The following MAP1A variants were observed in gnomAD, a reference collection of about 807,000 sequenced individuals.
The protein encoded by MAP1A is microtubule associated protein 1A.
Under a neutral mutation model 185.9 loss-of-function variants are expected in MAP1A, and 42 were observed. The ratio of observed to expected loss-of-function variants is 0.23; its 90% CI spans 0.18 to 0.29. The LOEUF (loss-of-function observed/expected upper bound fraction) is 0.29, where lower values mean the gene tolerates loss of function less well. Among genes scored for constraint, MAP1A ranks in the 10% least tolerant of loss-of-function variants. The pLI, the probability that MAP1A is intolerant of heterozygous loss-of-function variation, is 1.00. For synonymous variants in MAP1A, 1,229 were observed against 1,335.9 expected, an observed-to-expected ratio of 0.92 and a Z score of 1.74; for missense variants, 2,995 against 3,450.4, an observed-to-expected ratio of 0.87 and a Z score of 3.31.
Position 43,520,441 on chromosome 15 carries a change from G to A in MAP1A, c.-374-200G>A, listed in dbSNP as rs183542897. Among the ~76,000 whole-genome samples the A allele has an allele frequency of 4.8e-3, 736 of 152,300 alleles. 9 individuals are homozygous for A. The highest frequency in any genetic ancestry group is 0.016 in the African/African-American group (682 of 41,566). On this transcript the variant is annotated intron_variant, in intron 1 of 5. Transcript: ENST00000300231. ...GGGAAGGAGAGGACAGCCAGTGTGG[G>A]AGAGGGGAGGTGGAAACCCTCTAAG...
Position 43,529,687 on chromosome 15 carries a change from A to G in MAP1A, c.8073A>G (p.Val2691=), listed in dbSNP as rs781224384. 2.5e-5 allele frequency: 41 copies of G among 1,614,040 alleles called. No homozygotes were observed. The South Asian group carries it at 3.5e-4, about 14-fold the overall frequency. ...LSSKGSSGAP[V]YVDLAYIPNH... is the part of the protein sequence containing the mutation. ...CCAAGGGCAGCTCTGGTGCCCCTGT[A>G]TATGTGGATCTCGCCTACATCCCGA... is the stretch of plus-strand genomic sequence containing the variant. Residue 2691 remains valine (V), a synonymous_variant, in exon 5 of 6, where the codon GTA becomes GTG. Transcript: ENST00000300231. This position sits in a 1 kb window ranked among gnomAD's most constrained non-coding sequence, Gnocchi z 4.3.
In MAP1A at chr15:43,527,494, C is replaced by G. The variant is rs572868276; in HGVS notation, c.6021C>G (p.Ala2007=). The G allele has an allele frequency of 1.9e-6, 3 of 1,614,094 alleles. No individual in the cohort carries two copies. In the South Asian group the frequency reaches 3.3e-5, roughly 18 times the overall value. The change falls in exon 4 of 6, where the codon GCC becomes GCG. Residue 2007 remains alanine (A), a synonymous_variant. Coordinates refer to ENST00000300231, the MANE Select transcript of MAP1A (RefSeq NM_002373.6). ...PPCLSTKEAA[A]GRNTSAEKEL... Reference sequence around the variant, plus strand: ...GCCTCTCAACCAAGGAGGCAGCTGCCGGCCGAAACACATCTGCAGAGAAGG... The same window carrying G: ...GCCTCTCAACCAAGGAGGCAGCTGCGGGCCGAAACACATCTGCAGAGAAGG...
chr15:43,521,878 C>G lies in MAP1A; in HGVS notation c.405C>G (p.Val135=), dbSNP rs1367153597. Reference sequence around the variant, plus strand: ...TTATCTCTCCTGAGCTTGGAGTTGTCTTTTTCAACGTGCCTGAGAAGCTGC... The same window carrying G: ...TTATCTCTCCTGAGCTTGGAGTTGTGTTTTTCAACGTGCCTGAGAAGCTGC... ...KNLISPELGV[V]FFNVPEKLRL... The change falls in exon 4 of 6, where the codon GTC becomes GTG. Residue 135 remains valine (V), a synonymous_variant. Coordinates refer to ENST00000300231, the MANE Select transcript of MAP1A (RefSeq NM_002373.6). The surrounding 1 kb of genome is among the most constrained non-coding windows in gnomAD (Gnocchi z 4.6). 6.2e-7 allele frequency: 1 copy of G among 1,614,158 alleles called. No homozygotes were observed. The highest frequency in any genetic ancestry group is 2.2e-5 in the East Asian group (1 of 44,890).
chr15:43,524,760 A>G lies in MAP1A; in HGVS notation c.3287A>G (p.Lys1096Arg), dbSNP rs757469314. 4 of 1,614,010 alleles carry G rather than the reference A, an allele frequency of 2.5e-6. No homozygotes were observed. In the African/African-American group the frequency reaches 4.0e-5, roughly 16 times the overall value. Residue 1096 changes from lysine to arginine, a missense_variant, in exon 4 of 6, where the codon AAA becomes AGA. Physicochemically the swap from Lys to Arg is conservative, Grantham distance 26 (BLOSUM62 2). Transcript: ENST00000300231. Reference sequence around the variant, plus strand: ...ATTCAACTGTTGCCAGCACAGGATAAAGCAATAGTCTTTGAGATTATGGAG... The same window carrying G: ...ATTCAACTGTTGCCAGCACAGGATAGAGCAATAGTCTTTGAGATTATGGAG... ...CTIQLLPAQD[K>R]AIVFEIMEAG...
In MAP1A at chr15:43,528,160, A is replaced by T. The variant is rs1178196704; in HGVS notation, c.6687A>T (p.Ser2229=). 42 of 1,613,860 alleles carry T rather than the reference A, an allele frequency of 2.6e-5. No individual in the cohort carries two copies. In the East Asian group the frequency reaches 9.1e-4, roughly 35 times the overall value. The part of the protein sequence containing the change: ...EVTKAPSLDS[S]LPQLPSPSSP... ...CCAAGGCCCCCAGCCTGGATTCCTC[A>T]CTGCCCCAGCTCCCATCACCCAGTT... The change falls in exon 4 of 6, where the codon TCA becomes TCT. Residue 2229 remains serine, a synonymous_variant. Coordinates refer to ENST00000300231, the MANE Select transcript of MAP1A (RefSeq NM_002373.6).
chr15:43,514,122 T>C (rs1417836217), upstream of MAP1A, among the ~76,000 whole-genome samples: 1 of 152,216 alleles, frequency 6.6e-6, no homozygotes. Context: ...AGCATTGATA[T>C]ATAAACACCT....
rs975269907 is a variant in MAP1A at position 43,525,203 on chromosome 15, G to A, written c.3730G>A (p.Glu1244Lys). Residue 1244 changes from glutamate to lysine, a missense_variant, in exon 4 of 6, where the codon GAG becomes AAG. By Grantham distance (56) the Glu-to-Lys change is moderately conservative. Around this residue, in one of 3 missense-constraint regions of MAP1A, gnomAD observed 2,728 missense variants for 2,986.0 expected, o/e 0.91. Transcript: ENST00000300231. ...AGAAATGGGGCATCTGATGCAGGCCGAGGATACCTCTCACCACACAGCTCC... is the reference window on the plus strand; with the variant it reads ...AGAAATGGGGCATCTGATGCAGGCCAAGGATACCTCTCACCACACAGCTCC... Reference protein sequence around the residue: ...KEEMGHLMQAEDTSHHTAPMS... With the variant: ...KEEMGHLMQAKDTSHHTAPMS... 7 of 1,614,106 alleles carry A rather than the reference G, an allele frequency of 4.3e-6. No individual in the cohort carries two copies. Among genetic ancestry groups the A allele is most frequent in the African/African-American group, 1.3e-5 (1 of 75,024 alleles).
At chr15:43,518,463 C>T (rs913244190) in intron 1 of MAP1A, among the ~76,000 whole-genome samples, 2 of 152,136 alleles carry the variant, frequency 1.3e-5, no homozygotes, top group Non-Finnish European at 2.9e-5. Flanking sequence ...GATGGGGGCT[C>T]TTGAACAGAG....
At chr15:43,518,766 G>T (rs1010006379) in intron 1 of MAP1A, among the ~76,000 whole-genome samples, 27 of 145,998 alleles carry the variant, frequency 1.8e-4, no homozygotes, top group African/African-American at 7.2e-4. Context: ...TCACAAGATG[G>T]TCCTCTCTAA....
In MAP1A at chr15:43,528,690, T is replaced by G. The variant is rs762713799; in HGVS notation, c.7217T>G (p.Leu2406Trp). 6.2e-7 allele frequency: 1 copy of G among 1,613,796 alleles called. No individual in the cohort carries two copies. Among genetic ancestry groups the G allele is most frequent in the Non-Finnish European group, 8.5e-7 (1 of 1,179,990 alleles). ...GAERSSRPDT[L>W]LSPEQPVCPA... ...GAGAGGAGCTCCCGGCCTGACACAT[T>G]GCTCTCCCCTGAGCAGCCAGTGTGT... Residue 2406 changes from leucine to tryptophan, a missense_variant, in exon 4 of 6, where the codon TTG becomes TGG. By Grantham distance (61) the Leu-to-Trp change is moderately conservative (BLOSUM62 -2). Coordinates refer to ENST00000300231, the MANE Select transcript of MAP1A (RefSeq NM_002373.6).
rs746083824 is a variant in MAP1A at position 43,526,553 on chromosome 15, G to C, written c.5080G>C (p.Asp1694His). Reference protein sequence around the residue: ...RGREDVALEQDTYWRELSCER... With the variant: ...RGREDVALEQHTYWRELSCER... The stretch of plus-strand genomic sequence containing the variant: ...CAGAGAGGATGTGGCCTTGGAACAG[G>C]ACACATACTGGAGGGAGCTAAGCTG... The change falls in exon 4 of 6, where the codon GAC becomes CAC. Residue 1694 changes from aspartate (D) to histidine (H), a missense_variant. Physicochemically the swap from Asp to His is moderately conservative, Grantham distance 81. Coordinates refer to ENST00000300231, the MANE Select transcript of MAP1A (RefSeq NM_002373.6). This position sits in a 1 kb window ranked among gnomAD's most constrained non-coding sequence, Gnocchi z 4.7. The C allele has an allele frequency of 6.2e-7, 1 of 1,614,180 alleles. No individual in the cohort carries two copies. Among genetic ancestry groups the C allele is most frequent in the Non-Finnish European group, 8.5e-7 (1 of 1,180,026 alleles).
At chr15:43,518,967 TGTG>T (rs1246348620) in intron 1 of MAP1A, among the ~76,000 whole-genome samples, 4 of 152,086 alleles carry the variant, frequency 2.6e-5, no homozygotes, top group Admixed American at 6.5e-5. Flanking sequence ...ATAGAAGTCT[TGTG>T]GTGATAAATG....
upstream of MAP1A, among the ~76,000 whole-genome samples, chr15:43,516,287 G>C (rs944365094): frequency 2.6e-5 from 4 of 152,104 alleles, no homozygotes; most frequent in Admixed American, 1.3e-4. Flanking sequence ...CTCCCCTTTT[G>C]TCCCCTCAAC....
In MAP1A at chr15:43,525,320, A is replaced by T. The variant is rs1313885087; in HGVS notation, c.3847A>T (p.Ser1283Cys). 8.1e-6 allele frequency: 13 copies of T among 1,614,008 alleles called. No individual in the cohort carries two copies. The highest frequency in any genetic ancestry group is 1.3e-5 in the African/African-American group (1 of 74,934). The change falls in exon 4 of 6, where the codon AGC becomes TGC. Residue 1283 changes from serine (S) to cysteine (C), a missense_variant. Ser to Cys is a moderately radical substitution (Grantham distance 112). Around this residue, in one of 3 missense-constraint regions of MAP1A, gnomAD observed 2,728 missense variants for 2,986.0 expected, o/e 0.91. Coordinates refer to ENST00000300231, the MANE Select transcript of MAP1A (RefSeq NM_002373.6). ...YSAQTDITDD[S>C]LDRKSPASSF... ...TGCACAGACAGACATCACAGATGAC[A>T]GCCTTGACAGGAAGTCACCTGCCAG...
rs780528990 is a variant in MAP1A, at chr15:43,529,095, C to G, written c.7622C>G (p.Pro2541Arg). 6.2e-7 allele frequency: 1 copy of G among 1,613,834 alleles called. No homozygotes were observed. The highest frequency in any genetic ancestry group is 8.5e-7 in the Non-Finnish European group (1 of 1,179,980). ...LDSDEDGDFL[P>R]VDKAGGVSGT... ...TCAGATGAAGATGGAGACTTCCTAC[C>G]TGTGGACAAAGCTGGGGGTGTCAGT... Residue 2541 changes from proline to arginine, a missense_variant, in exon 4 of 6, where the codon CCT (proline) becomes CGT (arginine). By Grantham distance (103) the Pro-to-Arg change is moderately radical. This residue lies in a region of MAP1A where 2,728 missense variants were observed against 2,986.0 expected (regional missense o/e 0.91). Coordinates refer to ENST00000300231, the MANE Select transcript of MAP1A (RefSeq NM_002373.6). This position sits in a 1 kb window ranked among gnomAD's most constrained non-coding sequence, Gnocchi z 4.3.
Position 43,523,767 on chromosome 15 carries a change from C to A in MAP1A, c.2294C>A (p.Pro765Gln). ...GATGAGCCGGAGGAGCGCCCAGCTC[C>A]ACCCAGATTTCATACAAGTACATAT... ...IHDEPEERPAPPRFHTSTYDL... is the reference protein window; with the variant it reads ...IHDEPEERPAQPRFHTSTYDL... The change falls in exon 4 of 6, where the codon CCA becomes CAA. Residue 765 changes from proline (P) to glutamine (Q), a missense_variant. This residue lies in a region of MAP1A where 2,728 missense variants were observed against 2,986.0 expected (regional missense o/e 0.91). Transcript: ENST00000300231. 1 of 1,614,110 alleles carries A rather than the reference C, an allele frequency of 6.2e-7. No homozygotes were observed. Among genetic ancestry groups the A allele is most frequent in the Non-Finnish European group, 8.5e-7 (1 of 1,180,024 alleles).
At chr15:43,513,087 G>A (rs1020715348), upstream of MAP1A, among the ~76,000 whole-genome samples, 3 of 152,176 alleles carry the variant, frequency 2.0e-5, no homozygotes, top group Admixed American at 1.3e-4. Flanking sequence ...CCAACACTTT[G>A]GGAGGCTGAG....
At position 43,521,331 on chromosome 15, in the gene MAP1A, A is replaced by T. The variant is rs1566976896; in HGVS notation, c.-143A>T. The T allele has an allele frequency of 6.2e-7, 1 of 1,608,768 alleles. No homozygotes were observed. The highest frequency in any genetic ancestry group is 1.7e-5 in the Admixed American group (1 of 59,138). ...TATCTCCTATTCTTCTAGATTTCCCAATTGCTCAGCAATAGAGACCCTGGG... is the reference window on the plus strand; with the variant it reads ...TATCTCCTATTCTTCTAGATTTCCCTATTGCTCAGCAATAGAGACCCTGGG... On this transcript the variant is annotated 5_prime_UTR_variant, in exon 4 of 6. Coordinates refer to ENST00000300231, the MANE Select transcript of MAP1A (RefSeq NM_002373.6). The surrounding 1 kb of genome is among the most constrained non-coding windows in gnomAD (Gnocchi z 4.6).
intron 1 of MAP1A, among the ~76,000 whole-genome samples, chr15:43,518,212 G>T (rs1173822028): frequency 6.6e-6 from 1 of 152,100 alleles, no homozygotes; most frequent in African/African-American, 2.4e-5. Flanking sequence ...GGGAGGAAAG[G>T]GTCACTAAGA....
Sources: gnomAD v4.1 joint callset for allele counts (sites outside exome capture counted in the v4.1 genomes callset) on GRCh38, gnomAD v4.1.1 for gene constraint, gnomAD v4.1.1 regional missense constraint, Gnocchi (gnomAD v3.1) non-coding constraint, MANE v1.5 for transcripts, NCBI Gene and HGNC (gene_info 2026-07-23, HGNC 2026-07-21) for gene names.